Variants in THSD7B observed in about 807,000 individuals in gnomAD.
THSD7B encodes thrombospondin type 1 domain containing 7B.
THSD7B carries 138 observed loss-of-function variants against 213.6 expected under a neutral mutation model. The ratio of observed to expected loss-of-function variants is 0.65; its 90% CI spans 0.56 to 0.74. The LOEUF (loss-of-function observed/expected upper bound fraction) is 0.74, where lower values mean the gene tolerates loss of function less well. Among genes scored for constraint, THSD7B ranks in the 30% least tolerant of loss-of-function variants. The pLI is 0.00. For missense variants in THSD7B, 1,931 were observed against 1,991.5 expected, an observed-to-expected ratio of 0.97 and a Z score of 0.58; for synonymous variants, 742 against 687.0, an observed-to-expected ratio of 1.08 and a Z score of -1.25.
At chr2:137,015,762 C>T (rs891468575) in intron 2 of THSD7B, among the ~76,000 whole-genome samples, 7 of 152,112 alleles carry the variant, frequency 4.6e-5, no homozygotes, top group East Asian at 1.9e-4. Context: ...CTCCTTATCG[C>T]CTGCTTTTCT....
intron 20 of THSD7B, among the ~76,000 whole-genome samples, chr2:137,630,908 C>T (rs1251989547): frequency 6.6e-6 from 1 of 152,134 alleles, no homozygotes; most frequent in African/African-American, 2.4e-5. Flanking sequence ...AACAAAAGTT[C>T]GCACAATTAT....
At chr2:137,102,044 G>T (rs1423146219) in intron 4 of THSD7B, among the ~76,000 whole-genome samples, 1 of 152,206 alleles carries the variant, frequency 6.6e-6, no homozygotes, top group Non-Finnish European at 1.5e-5. Flanking sequence ...GCTCTGCTAA[G>T]GGACAGACTG....
intron 12 of THSD7B, among the ~76,000 whole-genome samples, chr2:137,289,473 A>G (rs1270807667): frequency 2.0e-5 from 3 of 152,086 alleles, no homozygotes; most frequent in Non-Finnish European, 2.9e-5. Context: ...AAACGTGGGT[A>G]TGGTATCACA....
At chr2:137,012,713 T>C (rs1165305277) in intron 2 of THSD7B, among the ~76,000 whole-genome samples, 1 of 152,254 alleles carries the variant, frequency 6.6e-6, no homozygotes, top group African/African-American at 2.4e-5. Context: ...TCACATCACA[T>C]GTGGGCAGCT....
intron 15 of THSD7B, among the ~76,000 whole-genome samples, chr2:137,549,543 A>G: frequency 6.6e-6 from 1 of 152,048 alleles, no homozygotes; most frequent in Non-Finnish European, 1.5e-5. Flanking sequence ...TGATAAGGAC[A>G]CTTAGCATGA....
At chr2:137,514,962 G>A (rs768216177) in intron 15 of THSD7B, among the ~76,000 whole-genome samples, 3 of 152,182 alleles carry the variant, frequency 2.0e-5, no homozygotes, top group African/African-American at 4.8e-5. Flanking sequence ...GGCTTCAGAA[G>A]CAAATACTGA....
At chr2:137,073,139 C>A (rs1687535586) in intron 3 of THSD7B, among the ~76,000 whole-genome samples, 1 of 140,528 alleles carries the variant, frequency 7.1e-6, no homozygotes, top group African/African-American at 2.8e-5. Flanking sequence ...AGGGAGGATT[C>A]CCTCTTTTTC....
intron 2 of THSD7B, among the ~76,000 whole-genome samples, chr2:136,922,321 C>T (rs1394342526): frequency 6.6e-6 from 1 of 152,210 alleles, no homozygotes; most frequent in Non-Finnish European, 1.5e-5. Context: ...GCACCTGATT[C>T]CAATGGGAAC....
intron 5 of THSD7B, among the ~76,000 whole-genome samples, chr2:137,122,908 C>T (rs545037713): frequency 2.6e-4 from 40 of 152,130 alleles, no homozygotes; most frequent in Non-Finnish European, 3.1e-4. Flanking sequence ...CTTTGTCTCA[C>T]TGCATGATAA....
chr2:137,449,870 T>C (rs753340492), intron 14 of THSD7B, among the ~76,000 whole-genome samples: 1 of 152,090 alleles, frequency 6.6e-6, no homozygotes, highest in Non-Finnish European at 1.5e-5. Context: ...TCCCTTCACA[T>C]TTGCCATATA....
chr2:137,010,711 G>A (rs1686215413), intron 2 of THSD7B, among the ~76,000 whole-genome samples: 1 of 152,176 alleles, frequency 6.6e-6, no homozygotes, highest in African/African-American at 2.4e-5. Context: ...ATTACTGAAT[G>A]CCTACTTTTC....
At chr2:137,365,217 T>C (rs1685379203) in intron 12 of THSD7B, among the ~76,000 whole-genome samples, 1 of 152,228 alleles carries the variant, frequency 6.6e-6, no homozygotes, top group South Asian at 2.1e-4. Context: ...GATCTCTTCC[T>C]TACACCTTAT....
At chr2:137,309,510 T>A (rs929881352) in intron 12 of THSD7B, among the ~76,000 whole-genome samples, 15 of 143,262 alleles carry the variant, frequency 1.0e-4, no homozygotes, top group Non-Finnish European at 2.0e-4. Context: ...TTATTTATTT[T>A]TTATTATTAT....
At chr2:137,661,694 G>C (rs2104821997) in intron 25 of THSD7B, among the ~76,000 whole-genome samples, 1 of 152,236 alleles carries the variant, frequency 6.6e-6, no homozygotes, top group Admixed American at 6.5e-5. Flanking sequence ...AAGTACACTT[G>C]GAAGAAGGCC....
intron 2 of THSD7B, among the ~76,000 whole-genome samples, chr2:136,969,936 A>G (rs890271716): frequency 2.0e-5 from 3 of 152,242 alleles, no homozygotes; most frequent in Non-Finnish European, 4.4e-5. Context: ...TAGCAAAAAC[A>G]TAAACAAACC....
chr2:137,208,957 C>T (rs974973274), intron 7 of THSD7B, among the ~76,000 whole-genome samples: 3 of 152,060 alleles, frequency 2.0e-5, no homozygotes, highest in Non-Finnish European at 2.9e-5. Context: ...ACTATGCCTG[C>T]ATCTTAGCAA....
intron 21 of THSD7B, among the ~76,000 whole-genome samples, chr2:137,644,729 A>G (rs939465477): frequency 1.3e-5 from 2 of 152,156 alleles, no homozygotes; most frequent in African/African-American, 2.4e-5. Context: ...CTGCCGCTGC[A>G]TTTGTGCTTC....
chr2:136,783,751 C>T (rs1681789075), intron 1 of THSD7B, among the ~76,000 whole-genome samples: 1 of 152,186 alleles, frequency 6.6e-6, no homozygotes, highest in Non-Finnish European at 1.5e-5. Context: ...CAGCTCCCCT[C>T]CTCACAGAGG....
chr2:137,142,378 G>A (rs1679603836), intron 5 of THSD7B, among the ~76,000 whole-genome samples: 1 of 152,138 alleles, frequency 6.6e-6, no homozygotes, highest in Non-Finnish European at 1.5e-5. Flanking sequence ...GAGCCCTCCT[G>A]ACCAAAACAC....
Sources: gnomAD v4.1 joint callset for allele counts (sites outside exome capture counted in the v4.1 genomes callset) on GRCh38, gnomAD v4.1.1 for gene constraint, MANE v1.5 for transcripts, NCBI Gene and HGNC (gene_info 2026-07-23, HGNC 2026-07-21) for gene names.